The following MACROD2 variants were observed in gnomAD, a reference collection of about 807,000 sequenced individuals.
The protein encoded by MACROD2 is mono-ADP ribosylhydrolase 2, also known as ADP-ribose glycohydrolase MACROD2.
Under a neutral mutation model 70.4 loss-of-function variants are expected in MACROD2, and 36 were observed. The observed-to-expected ratio is 0.51, with a 90% CI of 0.39 to 0.68. The LOEUF (loss-of-function observed/expected upper bound fraction) is 0.68. Ranked by LOEUF, MACROD2 falls within the 30% of genes least tolerant of loss-of-function variation. MACROD2 has a pLI of 0.00. For missense variants in MACROD2, 496 were observed against 538.4 expected (o/e 0.92, Z 0.78); for synonymous variants, 172 against 178.8 (o/e 0.96, Z 0.30).
At chr20:15,886,816 C>T (rs1350746875) in intron 10 of MACROD2, among the ~76,000 whole-genome samples, 2 of 152,066 alleles carry the variant, frequency 1.3e-5, no homozygotes, top group Admixed American at 6.6e-5. Context: ...TAATTCTTAC[C>T]ATATAGTTTT....
chr20:14,345,205 G>A (rs551433558), intron 3 of MACROD2, among the ~76,000 whole-genome samples: 3 of 152,224 alleles, frequency 2.0e-5, no homozygotes, highest in Non-Finnish European at 4.4e-5. Context: ...AAGTGCATTA[G>A]TTAATGGCTT....
chr20:15,516,708 G>A lies in MACROD2; in HGVS notation c.645+16861G>A, dbSNP rs988619633. Among the ~76,000 whole-genome samples, 7 of 152,240 alleles carry A rather than the reference G, an allele frequency of 4.6e-5. No individual in the cohort carries two copies. The East Asian group carries it at 5.8e-4, about 13-fold the overall frequency. ...ACAAGACCAAGAACACCTGATCCTC[G>A]GTCCACAGACTCAAGAGGTCTCAGA... is the stretch of plus-strand genomic sequence containing the variant. On this transcript the variant is annotated intron_variant, in intron 8 of 17. Transcript: ENST00000684519.
At chr20:14,735,379 C>T (rs2071650973) in intron 5 of MACROD2, among the ~76,000 whole-genome samples, 1 of 152,116 alleles carries the variant, frequency 6.6e-6, no homozygotes, top group African/African-American at 2.4e-5. Context: ...GCACATGAAG[C>T]ACATGAACAG....
intron 5 of MACROD2, among the ~76,000 whole-genome samples, chr20:15,019,199 GAAGA>G (rs2075145699): frequency 6.6e-6 from 1 of 152,146 alleles, no homozygotes; most frequent in African/African-American, 2.4e-5. Flanking sequence ...TTCTTGGAAA[GAAGA>G]AAGGAAGAAA....
chr20:14,150,051 GTCTC>G (rs1322117626), intron 3 of MACROD2, among the ~76,000 whole-genome samples: 1 of 151,700 alleles, frequency 6.6e-6, no homozygotes, highest in Non-Finnish European at 1.5e-5. Context: ...CTTCTTTTAT[GTCTC>G]TCTCTCCCCA....
At chr20:14,984,902 G>A (rs1385147070) in intron 5 of MACROD2, among the ~76,000 whole-genome samples, 2 of 152,136 alleles carry the variant, frequency 1.3e-5, no homozygotes, top group East Asian at 1.9e-4. Flanking sequence ...ATCAGATTGT[G>A]TCTATAACAA....
At chr20:14,772,002 T>A (rs770736697) in intron 5 of MACROD2, among the ~76,000 whole-genome samples, 2 of 152,030 alleles carry the variant, frequency 1.3e-5, no homozygotes, top group Non-Finnish European at 2.9e-5. Context: ...ATGTCAAAGT[T>A]CAAAAAGCAG....
chr20:14,417,538 A>G (rs1466111914), intron 3 of MACROD2, among the ~76,000 whole-genome samples: 3 of 152,054 alleles, frequency 2.0e-5, no homozygotes, highest in African/African-American at 7.2e-5. Flanking sequence ...TTACTTTTTC[A>G]TTGGTTACTC....
At chr20:14,463,929 G>T (rs527411511) in intron 3 of MACROD2, among the ~76,000 whole-genome samples, 1 of 151,916 alleles carries the variant, frequency 6.6e-6, no homozygotes, top group South Asian at 2.1e-4. Flanking sequence ...CACTGGGTTT[G>T]GTTTGCCAGT....
chr20:14,380,252 T>C (rs1429594011), intron 3 of MACROD2, among the ~76,000 whole-genome samples: 1 of 152,148 alleles, frequency 6.6e-6, no homozygotes, highest in Non-Finnish European at 1.5e-5. Context: ...ATGTCTTCTT[T>C]GGAGAAAAGT....
At chr20:15,626,479 A>G (rs937285070) in intron 8 of MACROD2, among the ~76,000 whole-genome samples, 1 of 152,212 alleles carries the variant, frequency 6.6e-6, no homozygotes, top group Admixed American at 6.5e-5. Context: ...GGTACAATTC[A>G]ACAAATATTT....
intron 4 of MACROD2, among the ~76,000 whole-genome samples, chr20:14,644,650 T>G (rs1985283726): frequency 6.6e-6 from 1 of 152,170 alleles, no homozygotes; most frequent in Admixed American, 6.6e-5. Context: ...TGAACTATCT[T>G]GAAACAATGT....
chr20:14,898,902 A>G (rs1600789992), intron 5 of MACROD2, among the ~76,000 whole-genome samples: 2 of 152,220 alleles, frequency 1.3e-5, no homozygotes, highest in Admixed American at 1.3e-4. Flanking sequence ...AAAGGCAACG[A>G]CCAGATGGGA....
chr20:15,132,362 G>A (rs10485518), intron 5 of MACROD2, among the ~76,000 whole-genome samples: 32,035 of 151,844 alleles, frequency 0.21, 4,635 homozygotes, highest in Non-Finnish European at 0.32. Context: ...GAATAAAATC[G>A]ATAAAAAGTT....
intron 8 of MACROD2, among the ~76,000 whole-genome samples, chr20:15,713,548 A>C (rs2050659481): frequency 6.6e-6 from 1 of 151,908 alleles, no homozygotes; most frequent in East Asian, 1.9e-4. Flanking sequence ...AGAGAGAGAG[A>C]GAGAGAGAAA....
At chr20:15,983,067 G>A (rs983859064) in intron 13 of MACROD2, among the ~76,000 whole-genome samples, 4 of 152,214 alleles carry the variant, frequency 2.6e-5, no homozygotes, top group African/African-American at 7.2e-5. Context: ...GGGCCAACAT[G>A]AGTTTTTCTT....
chr20:14,217,939 G>A (rs1050227827), intron 3 of MACROD2, among the ~76,000 whole-genome samples: 3 of 152,008 alleles, frequency 2.0e-5, no homozygotes, highest in Non-Finnish European at 4.4e-5. Flanking sequence ...CCTATCATAT[G>A]GTCTATCTTG....
At chr20:15,121,527 AAAAG>A (rs2076030979) in intron 5 of MACROD2, among the ~76,000 whole-genome samples, 1 of 151,224 alleles carries the variant, frequency 6.6e-6, no homozygotes, top group African/African-American at 2.4e-5. Context: ...AAAAAAAAAA[AAAAG>A]AAAAAAGAAA....
chr20:15,134,599 C>T (rs2123286234), intron 5 of MACROD2, among the ~76,000 whole-genome samples: 1 of 151,988 alleles, frequency 6.6e-6, no homozygotes, highest in Non-Finnish European at 1.5e-5. Context: ...GCACTAAATG[C>T]CCACAAGAGA....
Sources: gnomAD v4.1 joint callset for allele counts (sites outside exome capture counted in the v4.1 genomes callset) on GRCh38, gnomAD v4.1.1 for gene constraint, MANE v1.5 for transcripts, NCBI Gene and HGNC (gene_info 2026-07-23, HGNC 2026-07-21) for gene names.